Variants in ENOX1 observed in about 807,000 individuals in gnomAD.
ENOX1 encodes candidate growth-related and time keeping constitutive hydroquinone (NADH) oxidase.
Under a neutral mutation model 82.5 loss-of-function variants are expected in ENOX1, and 42 were observed. The observed-to-expected ratio is 0.51, with a 90% CI of 0.40 to 0.66. The LOEUF (loss-of-function observed/expected upper bound fraction) is 0.66, where lower values mean the gene tolerates loss of function less well. ENOX1 is among the 30% of genes least tolerant of loss of function. ENOX1 has a pLI of 0.00. For missense variants in ENOX1, 608 were observed against 811.6 expected, an observed-to-expected ratio of 0.75 and a Z score of 3.05; for synonymous variants, 271 against 282.2, an observed-to-expected ratio of 0.96 and a Z score of 0.40.
intron 9 of ENOX1, among the ~76,000 whole-genome samples, chr13:43,337,838 G>A (rs928123177): frequency 6.6e-6 from 1 of 152,152 alleles, no homozygotes; most frequent in Non-Finnish European, 1.5e-5. Flanking sequence ...AATGACCAAA[G>A]CCTCTCACGT....
intron 14 of ENOX1, among the ~76,000 whole-genome samples, chr13:43,244,312 T>C (rs1423121430): frequency 6.6e-6 from 1 of 152,050 alleles, no homozygotes. Context: ...ATTACAACCA[T>C]TACTCACTTT....
At chr13:43,581,491 C>T (rs1472858890) in intron 2 of ENOX1, among the ~76,000 whole-genome samples, 1 of 152,124 alleles carries the variant, frequency 6.6e-6, no homozygotes, top group Non-Finnish European at 1.5e-5. Flanking sequence ...TTATTCCATC[C>T]CCAAGGAGGA....
At chr13:43,416,294 T>C (rs9567182) in intron 3 of ENOX1, among the ~76,000 whole-genome samples, 755 of 63,146 alleles carry the variant, frequency 0.012, no homozygotes, top group Non-Finnish European at 0.017. Flanking sequence ...CGGGCAGAGA[T>C]GCTCCCCACT....
chr13:43,285,956 T>G (rs1593712466), intron 12 of ENOX1, among the ~76,000 whole-genome samples: 1 of 151,710 alleles, frequency 6.6e-6, no homozygotes, highest in Non-Finnish European at 1.5e-5. Context: ...AATTGGCTGG[T>G]CTTCCTAATC....
intron 5 of ENOX1, among the ~76,000 whole-genome samples, chr13:43,379,137 G>A (rs2051851380): frequency 6.6e-6 from 1 of 152,062 alleles, no homozygotes. Flanking sequence ...ATGCAGCCCC[G>A]ATGACATATT....
chr13:43,398,923 G>C (rs1447377282), intron 5 of ENOX1, among the ~76,000 whole-genome samples: 5 of 150,958 alleles, frequency 3.3e-5, no homozygotes, highest in Non-Finnish European at 7.4e-5. Flanking sequence ...AGCCTCCTGA[G>C]TAGCTGGGAC....
chr13:43,367,731 G>A (rs975913567), intron 5 of ENOX1, among the ~76,000 whole-genome samples: 1 of 131,970 alleles, frequency 7.6e-6, no homozygotes, highest in African/African-American at 2.8e-5. Context: ...AACAAATGGG[G>A]TTGAGGGTGG....
intron 1 of ENOX1, among the ~76,000 whole-genome samples, chr13:43,775,037 G>A (rs1315452346): frequency 1.3e-5 from 2 of 151,908 alleles, no homozygotes; most frequent in Non-Finnish European, 2.9e-5. Flanking sequence ...TAGTAGAGAC[G>A]GGGTTTCACT....
chr13:43,538,340 T>G (rs560641442), intron 2 of ENOX1, among the ~76,000 whole-genome samples: 1 of 152,302 alleles, frequency 6.6e-6, no homozygotes, highest in African/African-American at 2.4e-5. Context: ...CGTGACACAT[T>G]TTAGATTGTA....
chr13:43,233,590 C>T (rs940824970), intron 15 of ENOX1, among the ~76,000 whole-genome samples: 1 of 152,092 alleles, frequency 6.6e-6, no homozygotes, highest in Non-Finnish European at 1.5e-5. Flanking sequence ...GAAGTTCTAG[C>T]CTCAGTTTTA....
chr13:43,485,506 C>T (rs1331308085), intron 2 of ENOX1, among the ~76,000 whole-genome samples: 3 of 152,106 alleles, frequency 2.0e-5, no homozygotes, highest in Non-Finnish European at 2.9e-5. Context: ...ACAAAAGCTT[C>T]AGTCATGAAT....
At chr13:43,631,009 A>G (rs1282326251) in intron 2 of ENOX1, among the ~76,000 whole-genome samples, 1 of 152,112 alleles carries the variant, frequency 6.6e-6, no homozygotes, top group African/African-American at 2.4e-5. Context: ...ACTCTGCTTT[A>G]TTCACTTAAC....
chr13:43,234,762 G>A (rs1267486354), intron 15 of ENOX1, among the ~76,000 whole-genome samples: 1 of 152,104 alleles, frequency 6.6e-6, no homozygotes, highest in African/African-American at 2.4e-5. Flanking sequence ...TTAATGTACT[G>A]CATATAAAGC....
At chr13:43,612,088 T>C (rs116389948) in intron 2 of ENOX1, among the ~76,000 whole-genome samples, 17 of 152,296 alleles carry the variant, frequency 1.1e-4, no homozygotes, top group African/African-American at 3.6e-4. Context: ...GTAATTTGTT[T>C]TGTGGGTAGA....
chr13:43,625,398 TC>T (rs1205774889), intron 2 of ENOX1, among the ~76,000 whole-genome samples: 1 of 152,080 alleles, frequency 6.6e-6, no homozygotes, highest in Non-Finnish European at 1.5e-5. Context: ...AGATTGAATA[TC>T]CTTGCCTTGT....
intron 15 of ENOX1, among the ~76,000 whole-genome samples, chr13:43,234,117 C>T (rs2042410832): frequency 6.6e-6 from 1 of 152,184 alleles, no homozygotes; most frequent in Non-Finnish European, 1.5e-5. Context: ...ACGCAAGATT[C>T]AGGTATCTAC....
chr13:43,733,580 GC>G (rs2089458814), intron 1 of ENOX1, among the ~76,000 whole-genome samples: 1 of 152,078 alleles, frequency 6.6e-6, no homozygotes, highest in African/African-American at 2.4e-5. Flanking sequence ...CCTTTAAAAA[GC>G]CTTCTCATCT....
At chr13:43,337,705 C>T (rs1364375683) in intron 9 of ENOX1, among the ~76,000 whole-genome samples, 1 of 152,068 alleles carries the variant, frequency 6.6e-6, no homozygotes, top group Non-Finnish European at 1.5e-5. Flanking sequence ...ATAAGCTGTA[C>T]CTTTACATTT....
chr13:43,523,093 C>A (rs948812991), intron 2 of ENOX1, among the ~76,000 whole-genome samples: 2 of 152,038 alleles, frequency 1.3e-5, no homozygotes, highest in African/African-American at 4.8e-5. Context: ...TCCTGACACA[C>A]ACCACAGTCC....
Sources: gnomAD v4.1 joint callset for allele counts (sites outside exome capture counted in the v4.1 genomes callset) on GRCh38, gnomAD v4.1.1 for gene constraint, MANE v1.5 for transcripts, NCBI Gene and HGNC (gene_info 2026-07-23, HGNC 2026-07-21) for gene names.